Variants in MAN1C1 observed in about 807,000 individuals in gnomAD.
The protein encoded by MAN1C1 is mannosidase alpha class 1C member 1, also known as mannosyl-oligosaccharide 1,2-alpha-mannosidase IC.
In MAN1C1, 49 loss-of-function variants were observed where a neutral mutation model predicts 71.5. The ratio of observed to expected loss-of-function variants is 0.69; its 90% confidence interval spans 0.54 to 0.87. The LOEUF is 0.87. Among genes scored for constraint, MAN1C1 ranks in the 40% least tolerant of loss-of-function variants. MAN1C1 has a pLI of 0.00. For missense variants in MAN1C1, 743 were observed against 835.0 expected (o/e 0.89, Z 1.36); for synonymous variants, 352 against 343.7 (o/e 1.02, Z -0.27).
chr1:25,649,043 C>G (rs774167258), intron 1 of MAN1C1, among the ~76,000 whole-genome samples: 16 of 152,198 alleles, frequency 1.1e-4, no homozygotes, highest in Non-Finnish European at 1.6e-4. Flanking sequence ...AGGACTGGGT[C>G]TCTCACATTT....
chr1:25,705,276 G>A (rs909263036), intron 2 of MAN1C1, among the ~76,000 whole-genome samples: 4 of 152,182 alleles, frequency 2.6e-5, no homozygotes, highest in Non-Finnish European at 5.9e-5. Context: ...AAGGAAGAAA[G>A]GAAAGAGAAG....
intron 2 of MAN1C1, among the ~76,000 whole-genome samples, chr1:25,719,773 ATTG>A (rs1322418969): frequency 7.9e-5 from 12 of 151,640 alleles, no homozygotes; most frequent in Non-Finnish European, 1.0e-4. Flanking sequence ...GTGATATCTC[ATTG>A]TTATTTTGTT....
chr1:25,665,550 A>G (rs773247921), intron 1 of MAN1C1, among the ~76,000 whole-genome samples: 3 of 152,110 alleles, frequency 2.0e-5, no homozygotes, highest in Non-Finnish European at 4.4e-5. Context: ...TTACAGACCA[A>G]TCTCTGCCTC....
chr1:25,639,143 C>T (rs888733313), intron 1 of MAN1C1, among the ~76,000 whole-genome samples: 2 of 152,086 alleles, frequency 1.3e-5, no homozygotes, highest in African/African-American at 4.8e-5. Flanking sequence ...TGTAAGCTCA[C>T]CCAATGACTT....
At chr1:25,643,053 A>G (rs191288888) in intron 1 of MAN1C1, among the ~76,000 whole-genome samples, 115 of 152,162 alleles carry the variant, frequency 7.6e-4, no homozygotes, top group African/African-American at 2.7e-3. Flanking sequence ...GCAGAGTCTA[A>G]GATGTTTAAT....
intron 1 of MAN1C1, among the ~76,000 whole-genome samples, chr1:25,640,691 C>T (rs2045524440): frequency 6.6e-6 from 1 of 152,190 alleles, no homozygotes; most frequent in African/African-American, 2.4e-5. Flanking sequence ...CTAGAGACTT[C>T]TCTAGCAGTT....
intron 5 of MAN1C1, among the ~76,000 whole-genome samples, chr1:25,756,880 A>G (rs2047293455): frequency 6.6e-6 from 1 of 152,182 alleles, no homozygotes; most frequent in Admixed American, 6.5e-5. Context: ...ATACCGGCTC[A>G]ATAAATGGAA....
intron 2 of MAN1C1, among the ~76,000 whole-genome samples, chr1:25,742,549 T>A (rs2047076441): frequency 6.6e-6 from 1 of 152,078 alleles, no homozygotes; most frequent in Non-Finnish European, 1.5e-5. Context: ...CCAAGAAGAT[T>A]TTTGTGGAGG....
chr1:25,641,086 G>A (rs1193750052), intron 1 of MAN1C1, among the ~76,000 whole-genome samples: 1 of 152,192 alleles, frequency 6.6e-6, no homozygotes, highest in Non-Finnish European at 1.5e-5. Flanking sequence ...TCTTTTAAAT[G>A]TAAGAATCCT....
chr1:25,746,601 G>T lies in MAN1C1; in HGVS notation c.638-67G>T. On this transcript the variant is annotated intron_variant, in intron 2 of 11. Transcript: ENST00000374332. The surrounding 1 kb of genome is among the most constrained non-coding windows in gnomAD (Gnocchi z 4.0). ...GCATTGGAGGGGCCCTGAGAACGGT[G>T]GCTTGTCCAGTTGGGGAAAAGAGAA... 1 of 1,264,810 alleles carries T rather than the reference G, an allele frequency of 7.9e-7. No homozygotes were observed. The highest frequency in any genetic ancestry group is 1.5e-5 in the African/African-American group (1 of 67,628). 78.3% of individuals were successfully genotyped at this position (1,264,810 alleles called of 1,614,324 possible). A position where few individuals can be genotyped will look rare whatever the true frequency, so the allele number is the denominator to read the frequency against.
intron 1 of MAN1C1, among the ~76,000 whole-genome samples, chr1:25,679,949 AAATATATATAT>A (rs2046124748): frequency 8.5e-6 from 1 of 117,048 alleles, no homozygotes; most frequent in Non-Finnish European, 1.7e-5. Flanking sequence ...AAAAAAAAAA[AAATATATATAT>A]ATATATATAT....
chr1:25,643,343 C>T (rs944730646), intron 1 of MAN1C1, among the ~76,000 whole-genome samples: 6 of 151,448 alleles, frequency 4.0e-5, no homozygotes, highest in Non-Finnish European at 7.4e-5. Context: ...CAACCTCTGC[C>T]TCCTGGTTTT....
chr1:25,778,187 A>G lies in MAN1C1; in HGVS notation c.1340A>G (p.Lys447Arg), dbSNP rs756677594. ...TGGCGAGGGGGGATTCTGGACCACAAGATGGGGCACCTGGCCTGTTTCTCC... is the reference window on the plus strand; with the variant it reads ...TGGCGAGGGGGGATTCTGGACCACAGGATGGGGCACCTGGCCTGTTTCTCC... ...AEWRGGILDH[K>R]MGHLACFSGG... Residue 447 changes from lysine to arginine, a missense_variant, in exon 9 of 12, where the codon AAG (lysine) becomes AGG (arginine). By Grantham distance (26) the Lys-to-Arg change is conservative (BLOSUM62 2). Coordinates refer to ENST00000374332, the MANE Select transcript of MAN1C1 (RefSeq NM_020379.4). The surrounding 1 kb of genome is among the most constrained non-coding windows in gnomAD (Gnocchi z 5.5). The G allele has an allele frequency of 6.2e-7, 1 of 1,612,958 alleles. No homozygotes were observed. Among genetic ancestry groups the G allele is most frequent in the Non-Finnish European group, 8.5e-7 (1 of 1,179,346 alleles).
At chr1:25,702,833 G>A (rs1465771802) in intron 2 of MAN1C1, among the ~76,000 whole-genome samples, 2 of 152,186 alleles carry the variant, frequency 1.3e-5, no homozygotes, top group Non-Finnish European at 2.9e-5. Context: ...AGCTGCCCAG[G>A]GAAGCAGGAG....
intron 1 of MAN1C1, among the ~76,000 whole-genome samples, chr1:25,667,456 C>T (rs1208093661): frequency 6.8e-6 from 1 of 147,104 alleles, no homozygotes; most frequent in Non-Finnish European, 1.5e-5. Context: ...CTGCACTCCA[C>T]CCTGGGCGAT....
chr1:25,749,389 G>A, intron 4 of MAN1C1, 54 bp downstream of exon 4: 1 of 1,428,356 alleles, frequency 7.0e-7, no homozygotes, highest in Non-Finnish European at 9.7e-7. Flanking sequence ...GGGCTTTGGA[G>A]AATATCCAGT....
rs190390767 is a variant in MAN1C1, at chr1:25,677,233, C to T, written c.541-9207C>T. ...GAAGAGATTTCTTGGGATTCAGCTC[C>T]GATGGCTCTGCCTGTATCTCTCTAT... On this transcript the variant is annotated intron_variant, in intron 1 of 11. Transcript: ENST00000374332. Among the ~76,000 whole-genome samples the T allele has an allele frequency of 5.3e-5, 8 of 152,308 alleles. No individual in the cohort carries two copies. In the South Asian group the frequency reaches 8.3e-4, roughly 16 times the overall value.
chr1:25,747,158 G>GA (rs1486211922), intron 3 of MAN1C1, among the ~76,000 whole-genome samples: 1 of 152,240 alleles, frequency 6.6e-6, no homozygotes, highest in Non-Finnish European at 1.5e-5. Flanking sequence ...GTGGAGGGGG[G>GA]ACGTGGCTCA....
At chr1:25,621,987 A>G (rs2045219792) in intron 1 of MAN1C1, among the ~76,000 whole-genome samples, 1 of 152,102 alleles carries the variant, frequency 6.6e-6, no homozygotes, top group Admixed American at 6.5e-5. Flanking sequence ...GGCTTTTTAT[A>G]AAAGGGAATT....
Sources: gnomAD v4.1 joint callset for allele counts (sites outside exome capture counted in the v4.1 genomes callset) on GRCh38, gnomAD v4.1.1 for gene constraint, Gnocchi (gnomAD v3.1) non-coding constraint, MANE v1.5 for transcripts, NCBI Gene and HGNC (gene_info 2026-07-23, HGNC 2026-07-21) for gene names.